Variants in PCCA observed in about 807,000 individuals in gnomAD.
The protein encoded by PCCA is propionyl-CoA carboxylase alpha chain, mitochondrial.
PCCA carries 74 observed loss-of-function variants against 101.3 expected under a neutral mutation model. That is an observed-to-expected ratio of 0.73 (90% CI 0.61 to 0.89). The LOEUF (loss-of-function observed/expected upper bound fraction) is 0.89, where lower values mean the gene tolerates loss of function less well. Among genes scored for constraint, PCCA ranks in the 40% least tolerant of loss-of-function variants. PCCA has a pLI of 0.00. For synonymous variants in PCCA, 294 were observed against 313.6 expected (o/e 0.94, Z 0.66); for missense variants, 891 against 907.0 (o/e 0.98, Z 0.23).
chr13:100,500,464 G>T (rs73566618), intron 21 of PCCA, among the ~76,000 whole-genome samples: 1,772 of 152,200 alleles, frequency 0.012, 40 homozygotes, highest in African/African-American at 0.04. Context: ...TCTAAGACTT[G>T]TTAGCTTCCC....
At chr13:100,096,129 C>T (rs1215268099) in intron 1 of PCCA, among the ~76,000 whole-genome samples, 2 of 152,122 alleles carry the variant, frequency 1.3e-5, no homozygotes, top group African/African-American at 2.4e-5. Context: ...GCTTTATTGA[C>T]CCTGCAGATA....
intron 8 of PCCA, chr13:100,237,126 G>A (rs2060848854): frequency 6.6e-6 from 1 of 152,222 alleles, no homozygotes; most frequent in East Asian, 1.9e-4. Flanking sequence ...GTTGTGATAT[G>A]TAGAAATATC....
chr13:100,529,998 A>T, intron 23 of PCCA, 100 bp from the exon 24 acceptor site: 1 of 898,082 alleles, frequency 1.1e-6, no homozygotes, highest in Non-Finnish European at 1.8e-6. Context: ...CTGAGCTTGC[A>T]GGACTGTGCA....
At chr13:100,362,767 C>A (rs759063449) in intron 18 of PCCA, among the ~76,000 whole-genome samples, 2 of 152,174 alleles carry the variant, frequency 1.3e-5, no homozygotes, top group Non-Finnish European at 2.9e-5. Context: ...ATGCTAATAA[C>A]ACCAAACTTG....
chr13:100,393,608 G>T (rs1247783064), intron 19 of PCCA, among the ~76,000 whole-genome samples: 1 of 151,854 alleles, frequency 6.6e-6, no homozygotes, highest in Admixed American at 6.6e-5. Context: ...TAGAAGAGAT[G>T]CGGTTTCACC....
intron 23 of PCCA, 45 bp from the exon 24 acceptor site, chr13:100,530,050 GTTA>G (rs1012101332): frequency 2.6e-5 from 38 of 1,444,966 alleles, no homozygotes; most frequent in Middle Eastern, 1.7e-4. Flanking sequence ...CTTGGTTCTG[GTTA>G]CTAATTCTTA....
At chr13:100,402,012 C>T (rs1181225439) in intron 19 of PCCA, among the ~76,000 whole-genome samples, 1 of 152,008 alleles carries the variant, frequency 6.6e-6, no homozygotes, top group African/African-American at 2.4e-5. Flanking sequence ...GGGGTGTATA[C>T]GTGTGCGTGG....
intron 12 of PCCA, among the ~76,000 whole-genome samples, chr13:100,280,991 A>C (rs915928836): frequency 6.6e-6 from 1 of 152,082 alleles, no homozygotes; most frequent in Non-Finnish European, 1.5e-5. Flanking sequence ...AAAACAAACA[A>C]ACAAACAACA....
chr13:100,503,442 G>A (rs751425343), intron 21 of PCCA, among the ~76,000 whole-genome samples: 43 of 152,060 alleles, frequency 2.8e-4, no homozygotes, highest in Admixed American at 1.2e-3. Flanking sequence ...GTGAGCCGAG[G>A]TTGCGCCATT....
At chr13:100,444,603 C>T (rs1209383584) in intron 20 of PCCA, among the ~76,000 whole-genome samples, 1 of 151,994 alleles carries the variant, frequency 6.6e-6, no homozygotes, top group East Asian at 1.9e-4. Context: ...CCACCATGCC[C>T]AGCTAATTTT....
At chr13:100,451,737 TC>T (rs1195163584) in intron 21 of PCCA, among the ~76,000 whole-genome samples, 2 of 113,118 alleles carry the variant, frequency 1.8e-5, no homozygotes, top group Non-Finnish European at 3.6e-5. Flanking sequence ...TCTCTCTCTC[TC>T]TTCTCTCCTT....
chr13:100,181,620 G>C (rs1375050688), intron 6 of PCCA, among the ~76,000 whole-genome samples: 4 of 151,832 alleles, frequency 2.6e-5, no homozygotes, highest in Non-Finnish European at 5.9e-5. Flanking sequence ...ATGTGGTCTC[G>C]CCATGTTACT....
chr13:100,208,792 C>T (rs896099617), intron 6 of PCCA, among the ~76,000 whole-genome samples: 8 of 152,132 alleles, frequency 5.3e-5, no homozygotes, highest in African/African-American at 1.9e-4. Flanking sequence ...TCACAGGATG[C>T]AAACATGTAC....
chr13:100,416,081 A>G (rs557222759), intron 19 of PCCA, among the ~76,000 whole-genome samples: 126 of 152,322 alleles, frequency 8.3e-4, no homozygotes, highest in African/African-American at 3.0e-3. Flanking sequence ...GTTCCACTTC[A>G]GCGTTATTTG....
rs183510910 is a variant in PCCA at position 100,452,284 on chromosome 13, C to T, written c.1899+2979C>T. Among the ~76,000 whole-genome samples, 104 of 152,006 alleles carry T rather than the reference C, an allele frequency of 6.8e-4. 2 individuals carry two copies. Among genetic ancestry groups the T allele is most frequent in the Admixed American group, 5.6e-3 (85 of 15,256 alleles). On this transcript the variant is annotated intron_variant, in intron 21 of 23. Transcript: ENST00000376285. ...CTGTCTCTGTCTCTGTGTCCCCACG[C>T]CCCCCACTCCTGGCCCTGCCTTTAG...
intron 2 of PCCA, among the ~76,000 whole-genome samples, chr13:100,110,806 T>C (rs1179276485): frequency 6.6e-6 from 1 of 152,072 alleles, no homozygotes; most frequent in Non-Finnish European, 1.5e-5. Context: ...TTTTTTTGTT[T>C]ATTTATTTAT....
Position 100,249,703 on chromosome 13 carries a change from CATGT to C in PCCA, c.638-7890_638-7887del, listed in dbSNP as rs554695375. 2.8e-4 allele frequency among the ~76,000 whole-genome samples: 42 copies of C among 152,256 alleles called. 2 individuals carry two copies. In the South Asian group the frequency reaches 8.7e-3, roughly 32 times the overall value. ...CTTAACAATATTGAATCTTCCTATC[CATGT>C]ACATTGATTATCTCTACATTTAGAT... On this transcript the variant is annotated intron_variant, in intron 8 of 23. Coordinates refer to ENST00000376285, the MANE Select transcript of PCCA (RefSeq NM_000282.4).
At chr13:100,308,021 T>G (rs540533702) in intron 15 of PCCA, among the ~76,000 whole-genome samples, 1 of 151,790 alleles carries the variant, frequency 6.6e-6, no homozygotes, top group South Asian at 2.1e-4. Context: ...GCCCAGCTAA[T>G]TTTTTTTGTT....
chr13:100,244,019 G>A (rs2061301118), intron 8 of PCCA, among the ~76,000 whole-genome samples: 1 of 151,994 alleles, frequency 6.6e-6, no homozygotes, highest in South Asian at 2.1e-4. Flanking sequence ...TGTTATATAT[G>A]ACTCTGGGGT....
Sources: allele counts gnomAD v4.1 joint callset (sites outside exome capture counted in the v4.1 genomes callset), GRCh38; gene constraint gnomAD v4.1.1; transcripts MANE v1.5; gene names NCBI Gene and HGNC (gene_info 2026-07-23, HGNC 2026-07-21).